The following IPCEF1 variants were observed in gnomAD, a reference collection of about 807,000 sequenced individuals.
IPCEF1 encodes the protein interaction protein for cytohesin exchange factors 1.
In IPCEF1, 31 loss-of-function variants were observed where a neutral mutation model predicts 50.9. That is an observed-to-expected ratio of 0.61 (90% confidence interval 0.46 to 0.82). The LOEUF (loss-of-function observed/expected upper bound fraction) is 0.82. Among genes scored for constraint, IPCEF1 ranks in the 40% least tolerant of loss-of-function variants. The pLI is 0.00. For synonymous variants in IPCEF1, 181 were observed against 192.0 expected (o/e 0.94, Z 0.47); for missense variants, 458 against 514.0 (o/e 0.89, Z 1.05).
At chr6:154,166,039 A>G (rs1355403394) in intron 11 of IPCEF1, among the ~76,000 whole-genome samples, 2 of 152,268 alleles carry the variant, frequency 1.3e-5, no homozygotes, top group Non-Finnish European at 2.9e-5. Context: ...TGACAGCTTG[A>G]TCACAGCCTT....
intron 10 of IPCEF1, among the ~76,000 whole-genome samples, chr6:154,199,253 C>T (rs1776883451): frequency 6.6e-6 from 1 of 152,194 alleles, no homozygotes; most frequent in South Asian, 2.1e-4. Flanking sequence ...TGGGGCACAG[C>T]CCAGAGAAAG....
intron 1 of IPCEF1, among the ~76,000 whole-genome samples, chr6:154,296,754 A>G (rs142735956): frequency 4.1e-4 from 62 of 151,252 alleles, no homozygotes; most frequent in Middle Eastern, 3.4e-3. Flanking sequence ...GCGTGAACCC[A>G]GGAGGCGGAG....
At chr6:154,189,387 C>T (rs2128578784) in intron 10 of IPCEF1, among the ~76,000 whole-genome samples, 1 of 152,006 alleles carries the variant, frequency 6.6e-6, no homozygotes, top group South Asian at 2.1e-4. Context: ...AGGTGTATAC[C>T]CGTAGAGAAA....
At chr6:154,279,480 T>G (rs1333388853) in intron 2 of IPCEF1, among the ~76,000 whole-genome samples, 1 of 152,188 alleles carries the variant, frequency 6.6e-6, no homozygotes, top group Admixed American at 6.5e-5. Context: ...CTTTTCCTTC[T>G]ACGAATTTTA....
intron 10 of IPCEF1, among the ~76,000 whole-genome samples, chr6:154,184,699 G>A (rs533449222): frequency 1.3e-5 from 2 of 151,956 alleles, no homozygotes; most frequent in East Asian, 3.9e-4. Context: ...ATGAATGAAT[G>A]GTAATTTTAG....
chr6:154,219,848 T>G (rs1215605406), intron 7 of IPCEF1, among the ~76,000 whole-genome samples: 3 of 152,178 alleles, frequency 2.0e-5, no homozygotes, highest in Admixed American at 2.0e-4. Context: ...GCCTTGTTAT[T>G]TCTAACACAG....
At chr6:154,303,280 C>T (rs935500994) in intron 1 of IPCEF1, among the ~76,000 whole-genome samples, 3 of 151,802 alleles carry the variant, frequency 2.0e-5, no homozygotes, top group Admixed American at 1.3e-4. Flanking sequence ...TTAGTAGAGA[C>T]GGGGTTTCAC....
At chr6:154,332,071 C>T (rs1783684960) in intron 1 of IPCEF1, among the ~76,000 whole-genome samples, 1 of 152,162 alleles carries the variant, frequency 6.6e-6, no homozygotes, top group South Asian at 2.1e-4. Context: ...CAGCCAAATT[C>T]TTTCCTCTGA....
At chr6:154,201,724 G>T (rs540218080) in intron 9 of IPCEF1, among the ~76,000 whole-genome samples, 1 of 152,058 alleles carries the variant, frequency 6.6e-6, no homozygotes, top group East Asian at 1.9e-4. Context: ...GCGAAACCCC[G>T]TCTCTACTAA....
chr6:154,225,812 T>C (rs1779204267), intron 5 of IPCEF1, among the ~76,000 whole-genome samples: 1 of 152,240 alleles, frequency 6.6e-6, no homozygotes, highest in African/African-American at 2.4e-5. Context: ...ATTTCCATAA[T>C]TGAAACATCA....
In IPCEF1 at chr6:154,155,118, G is replaced by A. The variant is rs988590260; in HGVS notation, c.*4710C>T. On this transcript the variant is annotated 3_prime_UTR_variant, in exon 12 of 12. Transcript: ENST00000367220. ...GAACTGAGATGTGCTGAAGAGGCAA[G>A]GGAATTGCTTCCTGCCCCACGACAC... is the stretch of plus-strand genomic sequence containing the variant. 4 of 152,178 alleles carry A rather than the reference G, an allele frequency of 2.6e-5. No homozygotes were observed. The highest frequency in any genetic ancestry group is 9.7e-5 in the African/African-American group (4 of 41,436). The allele number at this position is 152,178 out of a possible 1,614,324, so 9.4% of individuals were successfully genotyped here. A position where few individuals can be genotyped will look rare whatever the true frequency, so the allele number is the denominator to read the frequency against.
chr6:154,283,165 G>T (rs149844497), intron 2 of IPCEF1, among the ~76,000 whole-genome samples: 2 of 151,424 alleles, frequency 1.3e-5, no homozygotes, highest in Non-Finnish European at 2.9e-5. Flanking sequence ...GCATGGTGGC[G>T]CAGGCCTATA....
rs987364451 is a variant in IPCEF1, at chr6:154,250,711, C to A, written c.37-3223G>T. ...TATAGTAGTTGTTAAACCTTGCAGGCAAAATTTACCCCAAGATGTATTAAA... is the reference window on the plus strand; with the variant it reads ...TATAGTAGTTGTTAAACCTTGCAGGAAAAATTTACCCCAAGATGTATTAAA... On this transcript the variant is annotated intron_variant, in intron 3 of 11. Transcript: ENST00000367220. 3.9e-5 allele frequency among the ~76,000 whole-genome samples: 6 copies of A among 152,202 alleles called. No individual in the cohort carries two copies. The East Asian group carries it at 9.6e-4, about 24-fold the overall frequency.
chr6:154,328,704 T>A (rs1345205950), intron 1 of IPCEF1, among the ~76,000 whole-genome samples: 1 of 152,218 alleles, frequency 6.6e-6, no homozygotes, highest in Non-Finnish European at 1.5e-5. Flanking sequence ...AGTGTGTCCT[T>A]TGACTTCATT....
intron 1 of IPCEF1, among the ~76,000 whole-genome samples, chr6:154,339,564 T>C (rs1372104470): frequency 6.6e-6 from 1 of 150,932 alleles, no homozygotes; most frequent in Non-Finnish European, 1.5e-5. Flanking sequence ...TGAGCCATTA[T>C]GCCTGGCGTT....
intron 5 of IPCEF1, among the ~76,000 whole-genome samples, chr6:154,225,471 A>T (rs138274090): frequency 2.6e-5 from 4 of 152,352 alleles, no homozygotes; most frequent in Non-Finnish European, 5.9e-5. Context: ...CCTTGTGTTA[A>T]GTGAAAGAAA....
chr6:154,180,405 TATATATA>T (rs1242132832), intron 10 of IPCEF1, among the ~76,000 whole-genome samples: 817 of 41,988 alleles, frequency 0.019, 21 homozygotes, highest in African/African-American at 0.057. Flanking sequence ...TATATATATA[TATATATA>T]TATTTTTTTT....
intron 11 of IPCEF1, among the ~76,000 whole-genome samples, chr6:154,167,029 G>A (rs903971800): frequency 9.2e-5 from 14 of 152,182 alleles, no homozygotes; most frequent in East Asian, 1.9e-4. Flanking sequence ...TAACTGGGAC[G>A]CCTAAGAGCC....
chr6:154,285,715 G>T (rs1219767755), intron 2 of IPCEF1, among the ~76,000 whole-genome samples: 1 of 152,078 alleles, frequency 6.6e-6, no homozygotes, highest in African/African-American at 2.4e-5. Context: ...AATATATGTG[G>T]TCATCTATTT....
Sources: gnomAD v4.1 joint callset for allele counts (sites outside exome capture counted in the v4.1 genomes callset) on GRCh38, gnomAD v4.1.1 for gene constraint, MANE v1.5 for transcripts, NCBI Gene and HGNC (gene_info 2026-07-23, HGNC 2026-07-21) for gene names.